The following NTM variants were observed in gnomAD, a reference collection of about 807,000 sequenced individuals.
NTM encodes neurotrimin.
NTM carries 13 observed loss-of-function variants against 42.1 expected under a neutral mutation model. The observed-to-expected ratio is 0.31, with a 90% CI of 0.20 to 0.49. The LOEUF (loss-of-function observed/expected upper bound fraction) is 0.49. Ranked by LOEUF, NTM falls within the 20% of genes least tolerant of loss-of-function variation. The pLI, the probability that NTM is intolerant of heterozygous loss-of-function variation, is 0.99. For synonymous variants in NTM, 187 were observed against 179.2 expected, an observed-to-expected ratio of 1.04 and a Z score of -0.35; for missense variants, 373 against 452.8, an observed-to-expected ratio of 0.82 and a Z score of 1.60.
At chr11:132,327,322 T>C (rs1236440645) in intron 7 of NTM, among the ~76,000 whole-genome samples, 1 of 152,238 alleles carries the variant, frequency 6.6e-6, no homozygotes, top group East Asian at 1.9e-4. Context: ...GTTGACTGAT[T>C]AATGTCTGTA....
At chr11:132,082,826 T>C (rs554865286) in intron 2 of NTM, among the ~76,000 whole-genome samples, 1 of 152,300 alleles carries the variant, frequency 6.6e-6, no homozygotes, top group African/African-American at 2.4e-5. Context: ...TGGAGTTTGA[T>C]AGCCTGAAGC....
chr11:132,064,438 T>C (rs2081139665), intron 2 of NTM, among the ~76,000 whole-genome samples: 1 of 152,192 alleles, frequency 6.6e-6, no homozygotes, highest in Admixed American at 6.5e-5. Flanking sequence ...CATTGAAATA[T>C]GGAATATATG....
chr11:131,948,179 G>C (rs2060553946), intron 2 of NTM, among the ~76,000 whole-genome samples: 1 of 151,840 alleles, frequency 6.6e-6, no homozygotes. Flanking sequence ...GGCTAACACA[G>C]TGAAACCCCG....
chr11:132,078,854 C>CTTTT (rs2058681452), intron 2 of NTM, among the ~76,000 whole-genome samples: 1 of 152,170 alleles, frequency 6.6e-6, no homozygotes, highest in African/African-American at 2.4e-5. Flanking sequence ...TTTTCAAAAC[C>CTTTT]TCTTTCCCCT....
chr11:131,612,571 G>A (rs567178170), intron 1 of NTM, among the ~76,000 whole-genome samples: 1 of 152,328 alleles, frequency 6.6e-6, no homozygotes, highest in African/African-American at 2.4e-5. Context: ...AAAAAGAAAT[G>A]GATGCATATT....
intron 2 of NTM, among the ~76,000 whole-genome samples, chr11:132,117,229 C>G (rs1437914524): frequency 6.6e-6 from 1 of 152,220 alleles, no homozygotes; most frequent in Non-Finnish European, 1.5e-5. Flanking sequence ...TCTTGCTACA[C>G]GAAGACAAAG....
At chr11:131,985,119 C>G (rs2065862851) in intron 2 of NTM, among the ~76,000 whole-genome samples, 1 of 152,190 alleles carries the variant, frequency 6.6e-6, no homozygotes, top group Admixed American at 6.5e-5. Flanking sequence ...CTGAGCTCAT[C>G]TCTTGTGATC....
intron 2 of NTM, among the ~76,000 whole-genome samples, chr11:131,973,753 G>T (rs1371434954): frequency 6.6e-6 from 1 of 152,176 alleles, no homozygotes; most frequent in African/African-American, 2.4e-5. Flanking sequence ...GGAGGCAGAG[G>T]TTGCAGTGAG....
chr11:132,070,303 C>T (rs112071839), intron 2 of NTM, among the ~76,000 whole-genome samples: 31,215 of 135,786 alleles, frequency 0.23, 211 homozygotes, highest in African/African-American at 0.28. Context: ...CAAGTTAACA[C>T]GTCAAACTGA....
At chr11:131,664,753 G>GTTTTT (rs199824869) in intron 1 of NTM, among the ~76,000 whole-genome samples, 13 of 112,912 alleles carry the variant, frequency 1.2e-4, no homozygotes, top group African/African-American at 4.4e-4. Context: ...CTCTTCCATT[G>GTTTTT]TTTTTTTTTT....
intron 1 of NTM, among the ~76,000 whole-genome samples, chr11:131,804,523 T>C (rs2092369195): frequency 6.6e-6 from 1 of 152,156 alleles, no homozygotes; most frequent in African/African-American, 2.4e-5. Flanking sequence ...TGCCATCCCC[T>C]CTGCCTGGAT....
At chr11:132,136,058 G>A (rs2067857793) in intron 2 of NTM, among the ~76,000 whole-genome samples, 1 of 152,130 alleles carries the variant, frequency 6.6e-6, no homozygotes, top group African/African-American at 2.4e-5. Context: ...CCAGACCCTG[G>A]GGACCCCTTC....
chr11:131,794,976 G>A (rs1157225513), intron 1 of NTM: 2 of 985,242 alleles, frequency 2.0e-6, no homozygotes, highest in East Asian at 2.3e-4. Flanking sequence ...CCTCACTGGA[G>A]GGGCAGCCTT....
At chr11:131,788,237 A>G (rs895280204) in intron 1 of NTM, among the ~76,000 whole-genome samples, 2 of 151,976 alleles carry the variant, frequency 1.3e-5, no homozygotes, top group Non-Finnish European at 2.9e-5. Context: ...CAATTTATCT[A>G]TCTTCTTACT....
intron 4 of NTM, among the ~76,000 whole-genome samples, chr11:132,278,169 T>A (rs139995804): frequency 1.3e-5 from 2 of 152,324 alleles, no homozygotes; most frequent in East Asian, 3.9e-4. Context: ...GGATTTCTGT[T>A]CCTTTGCTTG....
Position 132,310,103 on chromosome 11 carries a change from T to C in NTM, c.662-9T>C, listed in dbSNP as rs772171256. ...GGGGGGGCGGCTATGAGACATCTTC[T>C]TTTTGCAGATCCACCATACATTTCA... On this transcript the variant is annotated splice_polypyrimidine_tract_variant and intron_variant, in intron 5 of 8. Coordinates refer to ENST00000683400, the MANE Select transcript of NTM (RefSeq NM_001352005.2). 1.3e-6 allele frequency: 2 copies of C among 1,575,596 alleles called. No individual in the cohort carries two copies. Among genetic ancestry groups the C allele is most frequent in the African/African-American group, 2.8e-5 (2 of 71,934 alleles).
At chr11:132,317,125 G>C (rs1415536899) in intron 7 of NTM, among the ~76,000 whole-genome samples, 1 of 152,184 alleles carries the variant, frequency 6.6e-6, no homozygotes, top group Non-Finnish European at 1.5e-5. Flanking sequence ...GAGCAGGTTA[G>C]TCCTTCCCAT....
chr11:131,563,889 A>G (rs566098358), intron 1 of NTM, among the ~76,000 whole-genome samples: 1 of 152,098 alleles, frequency 6.6e-6, no homozygotes, highest in Non-Finnish European at 1.5e-5. Context: ...AGAGCAAACC[A>G]TCTCTACCGT....
chr11:132,081,776 T>A (rs1052201028), intron 2 of NTM, among the ~76,000 whole-genome samples: 1 of 151,140 alleles, frequency 6.6e-6, no homozygotes, highest in Non-Finnish European at 1.5e-5. Flanking sequence ...CTACTAACAC[T>A]TGTATGAAGT....
Sources: allele counts gnomAD v4.1 joint callset (sites outside exome capture counted in the v4.1 genomes callset), GRCh38; gene constraint gnomAD v4.1.1; transcripts MANE v1.5; gene names NCBI Gene and HGNC (gene_info 2026-07-23, HGNC 2026-07-21).